The following HARS1 variants were observed in gnomAD, a reference collection of about 807,000 sequenced individuals.
The protein encoded by HARS1 is histidine--tRNA ligase, cytoplasmic.
In HARS1, 45 loss-of-function variants were observed where a neutral mutation model predicts 63.6. That is an observed-to-expected ratio of 0.71 (90% CI 0.56 to 0.91). HARS1 has a LOEUF of 0.91. Ranked by LOEUF, HARS1 falls within the 40% of genes least tolerant of loss-of-function variation. The pLI is 0.00. For synonymous variants in HARS1, 205 were observed against 247.1 expected (o/e 0.83, Z 1.60); for missense variants, 508 against 643.2 (o/e 0.79, Z 2.27).
chr5:140,691,039 C>T (rs1759392243), intron 1 of HARS1, 95 bp from the exon 2 acceptor site: 7 of 962,294 alleles, frequency 7.3e-6, no homozygotes, highest in Non-Finnish European at 1.2e-5. Context: ...CATCTCTCTG[C>T]TCAGGCCTAG....
At chr5:140,682,923 TAA>T in intron 3 of HARS1, 175 bp downstream of exon 3, 2 of 552,588 alleles carry the variant, frequency 3.6e-6, no homozygotes, top group Non-Finnish European at 6.4e-6. Context: ...ACCAAGATAA[TAA>T]AAGACAGGGC....
At position 140,690,937 on chromosome 5, in the gene HARS1, T is replaced by A. The variant is rs1343032909; in HGVS notation, c.98A>T (p.Glu33Val). The A allele has an allele frequency of 6.3e-7, 1 of 1,594,418 alleles. No homozygotes were observed. The highest frequency in any genetic ancestry group is 1.7e-5 in the Admixed American group (1 of 59,990). ...CAGTTTCAGGAGTTTCGCCACCTCC[T>A]CCTCGATCTGTGGAGGGAAAGAAGG... ...QQKASAELIE[E>V]EVAKLLKLKA... Residue 33 changes from glutamate to valine, a missense_variant, in exon 2 of 13, where the codon GAG becomes GTG. Glu to Val is a moderately radical substitution (Grantham distance 121). This residue lies in a region of HARS1 where 105 missense variants were observed against 94.5 expected (regional missense o/e 1.11). Transcript: ENST00000504156.
rs370806891 is a variant in HARS1, at chr5:140,676,849, C to T, written c.999G>A (p.Gly333=). The T allele has an allele frequency of 3.2e-5, 51 of 1,614,186 alleles. No homozygotes were observed. Among genetic ancestry groups the T allele is most frequent in the Non-Finnish European group, 4.2e-5 (49 of 1,180,016 alleles). The change falls in exon 10 of 13, where the codon GGG becomes GGA. Residue 333 remains glycine, a synonymous_variant. Coordinates refer to ENST00000504156, the MANE Select transcript of HARS1 (RefSeq NM_002109.6). The surrounding 1 kb of genome is among the most constrained non-coding windows in gnomAD (Gnocchi z 4.1). ...SLARGLDYYT[G]VIYEAVLLQT... Reference sequence around the variant, plus strand: ...GTAGCAGCACTGCCTCATAGATCACCCCAGTGTAGTAATCCAGCCCTCGAG... The same window carrying T: ...GTAGCAGCACTGCCTCATAGATCACTCCAGTGTAGTAATCCAGCCCTCGAG...
chr5:140,690,805 TGAGTA>T, intron 2 of HARS1, 45 bp downstream of exon 2: 2 of 1,019,454 alleles, frequency 2.0e-6, no homozygotes, highest in East Asian at 4.7e-5. Flanking sequence ...AAGCGCCCCG[TGAGTA>T]GAGTTAGAGA....
intron 2 of HARS1, chr5:140,683,484 A>G: frequency 8.3e-7 from 1 of 1,200,304 alleles, no homozygotes; most frequent in South Asian, 2.2e-5. Flanking sequence ...TCTTTAAGCC[A>G]TTTTTCTAAA....
chr5:140,678,831 G>T, intron 5 of HARS1, 171 bp downstream of exon 5: 1 of 624,006 alleles, frequency 1.6e-6, no homozygotes, highest in Non-Finnish European at 2.7e-6. Context: ...GCAACAGAGC[G>T]AGACTCCGTC....
In HARS1 at chr5:140,679,093, A is replaced by T. The variant is rs1408195908; in HGVS notation, c.431T>A (p.Leu144Gln). The change falls in exon 5 of 13, where the codon CTG becomes CAG. Residue 144 changes from leucine (L) to glutamine (Q), a missense_variant. Physicochemically the swap from Leu to Gln is moderately radical, Grantham distance 113 (BLOSUM62 -2). Coordinates refer to ENST00000504156, the MANE Select transcript of HARS1 (RefSeq NM_002109.6). This position sits in a 1 kb window ranked among gnomAD's most constrained non-coding sequence, Gnocchi z 4.3. ...TATGTGGTAGCGTTTAATGTTGGTC[A>T]GTTTATTCATTGCCAAATACCGAGC... ...PFARYLAMNK[L>Q]TNIKRYHIAK... 2 of 1,614,098 alleles carry T rather than the reference A, an allele frequency of 1.2e-6. No homozygotes were observed. The highest frequency in any genetic ancestry group is 3.3e-5 in the Admixed American group (2 of 60,028).
At chr5:140,674,951 A>C in intron 11 of HARS1, 66 bp downstream of exon 11, 2 of 1,476,602 alleles carry the variant, frequency 1.4e-6, no homozygotes, top group South Asian at 1.1e-5. Context: ...ATTATGGGTG[A>C]GCTTTTATTC....
intron 3 of HARS1, among the ~76,000 whole-genome samples, chr5:140,682,537 T>C (rs1174645706): frequency 1.3e-5 from 2 of 152,190 alleles, no homozygotes; most frequent in African/African-American, 4.8e-5. Context: ...CAGGTAGTAA[T>C]GCAATCTGGG....
At position 140,679,279 on chromosome 5, in the gene HARS1, G is replaced by T; in HGVS notation, c.397-152C>A. 1.5e-6 allele frequency: 1 copy of T among 686,188 alleles called. No individual in the cohort carries two copies. The highest frequency in any genetic ancestry group is 2.5e-6 in the Non-Finnish European group (1 of 400,890). 42.5% of individuals were successfully genotyped at this position (686,188 alleles called of 1,614,324 possible). On this transcript the variant is annotated intron_variant, in intron 4 of 12. Coordinates refer to ENST00000504156, the MANE Select transcript of HARS1 (RefSeq NM_002109.6). The surrounding 1 kb of genome is among the most constrained non-coding windows in gnomAD (Gnocchi z 4.3). ...CACTTACAAACATCAGAAAGCATCA[G>T]CTGTGCTACCACATGAGGTAGCTGA...
rs1000790608 is a variant in HARS1 at position 140,674,191 on chromosome 5, T to C, written c.*66A>G. ...AAAAGTGCAAAGCAATTGAAGTACATATGCAGTTTGTCTTAACCTCAAATA... is the reference window on the plus strand; with the variant it reads ...AAAAGTGCAAAGCAATTGAAGTACACATGCAGTTTGTCTTAACCTCAAATA... On this transcript the variant is annotated 3_prime_UTR_variant, in exon 13 of 13. Coordinates refer to ENST00000504156, the MANE Select transcript of HARS1 (RefSeq NM_002109.6). The C allele has an allele frequency of 1.1e-6, 1 of 939,838 alleles. No homozygotes were observed. The allele number at this position is 939,838 out of a possible 1,614,324, so 58.2% of individuals were successfully genotyped here. A position where few individuals can be genotyped will look rare whatever the true frequency, so the allele number is the denominator to read the frequency against.
intron 12 of HARS1, 33 bp downstream of exon 12, chr5:140,674,646 C>T: frequency 3.1e-6 from 5 of 1,613,346 alleles, no homozygotes; most frequent in Non-Finnish European, 4.2e-6. Flanking sequence ...CATACATTCT[C>T]TGTCCCTTAG....
At position 140,677,912 on chromosome 5, in the gene HARS1, ACC is replaced by A; in HGVS notation, c.624_625del (p.Val209GlnfsTer19). On this transcript the variant is annotated frameshift_variant, in exon 6 of 13. Coordinates refer to ENST00000504156, the MANE Select transcript of HARS1 (RefSeq NM_002109.6). LOFTEE classifies it high-confidence loss of function. Reference sequence around the variant, plus strand: ...CCCAGCCTTGTCAGCTCTGACCTTGACCAGGAAGTCGCCTATCTGAAGTGAAC... The same window carrying A: ...CCCAGCCTTGTCAGCTCTGACCTTGAAGGAAGTCGCCTATCTGAAGTGAAC... The A allele has an allele frequency of 1.2e-6, 2 of 1,601,294 alleles. No homozygotes were observed. Among genetic ancestry groups the A allele is most frequent in the Non-Finnish European group, 1.7e-6 (2 of 1,168,580 alleles).
At chr5:140,690,997 C>G in intron 1 of HARS1, 53 bp from the exon 2 acceptor site, 1 of 1,099,168 alleles carries the variant, frequency 9.1e-7, no homozygotes, top group East Asian at 2.3e-5. Flanking sequence ...TCCTCCCTCC[C>G]CCGCCATTCA....
rs749784586 is a variant in HARS1, at chr5:140,677,436, C to A, written c.730-16G>T. ...CCCAGGACACCTAGGCAGACAGACA[C>A]CAGTCAGGGACCCCTGGGCAGCTTC... On this transcript the variant is annotated splice_polypyrimidine_tract_variant and intron_variant, in intron 7 of 12. Coordinates refer to ENST00000504156, the MANE Select transcript of HARS1 (RefSeq NM_002109.6). 2 of 1,587,332 alleles carry A rather than the reference C, an allele frequency of 1.3e-6. No individual in the cohort carries two copies. The highest frequency in any genetic ancestry group is 3.3e-5 in the Admixed American group (2 of 59,962).
rs754094386 is a variant in HARS1, at chr5:140,677,916, G to A, written c.622C>T (p.Leu208=). ...ILSSLQIGDF[L]VKVNDRRILD... ...GCCTTGTCAGCTCTGACCTTGACCA[G>A]GAAGTCGCCTATCTGAAGTGAACTC... The change falls in exon 6 of 13, where the codon CTG becomes TTG. Residue 208 remains leucine, a synonymous_variant. Transcript: ENST00000504156. The A allele has an allele frequency of 1.5e-5, 24 of 1,603,312 alleles. No individual in the cohort carries two copies. Among genetic ancestry groups the A allele is most frequent in the Middle Eastern group, 1.6e-4 (1 of 6,068 alleles).
rs1007733304 is a variant in HARS1 at position 140,677,518 on chromosome 5, C to A, written c.730-98G>T. 5 of 1,098,216 alleles carry A rather than the reference C, an allele frequency of 4.6e-6. No homozygotes were observed. In the African/African-American group the frequency reaches 7.7e-5, roughly 17 times the overall value. The allele number at this position is 1,098,216 out of a possible 1,614,324, so 68.0% of individuals were successfully genotyped here. A position where few individuals can be genotyped will look rare whatever the true frequency, so the allele number is the denominator to read the frequency against. Reference sequence around the variant, plus strand: ...GGGAACCGTTTTAGAGCAGTAGCTGCCCATGAGCCTACATCCTGGGGCTAA... The same window carrying A: ...GGGAACCGTTTTAGAGCAGTAGCTGACCATGAGCCTACATCCTGGGGCTAA... On this transcript the variant is annotated intron_variant, in intron 7 of 12. Transcript: ENST00000504156.
intron 2 of HARS1, among the ~76,000 whole-genome samples, chr5:140,686,079 G>A (rs1460229817): frequency 6.7e-6 from 1 of 150,260 alleles, no homozygotes; most frequent in Non-Finnish European, 1.5e-5. Flanking sequence ...ACATACAGGC[G>A]CGTGCCACCA....
At chr5:140,674,916 C>T (rs1581500657) in intron 11 of HARS1, 91 bp from the exon 12 acceptor site, 3 of 1,530,100 alleles carry the variant, frequency 2.0e-6, no homozygotes, top group Non-Finnish European at 2.7e-6. Flanking sequence ...CTTAGCTCTA[C>T]TTTTGAGAAG....
Sources: gnomAD v4.1 joint callset for allele counts (sites outside exome capture counted in the v4.1 genomes callset) on GRCh38, gnomAD v4.1.1 for gene constraint, gnomAD v4.1.1 regional missense constraint, Gnocchi (gnomAD v3.1) non-coding constraint, MANE v1.5 for transcripts, NCBI Gene and HGNC (gene_info 2026-07-23, HGNC 2026-07-21) for gene names.